Variants in CDH11 observed in about 807,000 individuals in gnomAD.
CDH11 encodes the protein cadherin-11.
In CDH11, 11 loss-of-function variants were observed where a neutral mutation model predicts 67.8. The ratio of observed to expected loss-of-function variants is 0.16; its 90% CI spans 0.10 to 0.27. CDH11 has a LOEUF of 0.27. Among genes scored for constraint, CDH11 ranks in the 10% least tolerant of loss-of-function variants. The probability of loss-of-function intolerance (pLI) is 1.00; values close to 1 mark genes in which losing one functional copy is unlikely to be tolerated. For missense variants in CDH11, 847 were observed against 1,031.2 expected (o/e 0.82, Z 2.45); for synonymous variants, 419 against 400.0 (o/e 1.05, Z -0.57).
intron 2 of CDH11, among the ~76,000 whole-genome samples, chr16:65,040,230 A>T (rs150413953): frequency 1.3e-5 from 2 of 152,192 alleles, no homozygotes; most frequent in African/African-American, 4.8e-5. Flanking sequence ...ATTATAAAAC[A>T]TGCTTCTATA....
chr16:65,007,701 AT>A (rs1465973345), intron 2 of CDH11, among the ~76,000 whole-genome samples: 3 of 152,038 alleles, frequency 2.0e-5, no homozygotes, highest in African/African-American at 7.2e-5. Context: ...CCTGTGTAAA[AT>A]TTTCTTCAAG....
At chr16:65,041,322 A>G (rs1240473457) in intron 2 of CDH11, among the ~76,000 whole-genome samples, 1 of 152,204 alleles carries the variant, frequency 6.6e-6, no homozygotes, top group Admixed American at 6.5e-5. Context: ...AAAGACCAGC[A>G]CATTTGTCAT....
chr16:65,106,081 G>A (rs1447422462), intron 1 of CDH11, among the ~76,000 whole-genome samples: 1 of 152,174 alleles, frequency 6.6e-6, no homozygotes, highest in Non-Finnish European at 1.5e-5. Context: ...TTTGAACCCA[G>A]GAGCTGTGTT....
intron 12 of CDH11, among the ~76,000 whole-genome samples, chr16:64,949,359 G>C (rs1383399981): frequency 6.6e-6 from 1 of 150,422 alleles, no homozygotes; most frequent in Non-Finnish European, 1.5e-5. Flanking sequence ...CAGCCAACCT[G>C]TATGTCACAT....
chr16:65,048,247 G>A (rs1190852845), intron 2 of CDH11, among the ~76,000 whole-genome samples: 1 of 152,144 alleles, frequency 6.6e-6, no homozygotes, highest in Non-Finnish European at 1.5e-5. Context: ...TAAAACTCAA[G>A]TGGAGAGCAG....
At chr16:65,067,752 G>GAAACTGCAAGATAAAGTAATC in intron 1 of CDH11, among the ~76,000 whole-genome samples, 1 of 148,512 alleles carries the variant, frequency 6.7e-6, no homozygotes, top group African/African-American at 2.5e-5. Flanking sequence ...GGGAGGAAGG[G>GAAACTGCAAGATAAAGTAATC]AGGGAGGAAG....
At chr16:65,005,139 G>A (rs959175387) in intron 2 of CDH11, 98 bp from the exon 3 acceptor site, 14 of 1,121,748 alleles carry the variant, frequency 1.2e-5, no homozygotes, top group African/African-American at 3.2e-5. Context: ...AGTTTATCAC[G>A]TGGGAGCTAC....
chr16:64,983,156 GAA>G (rs1014171790), intron 7 of CDH11: 1 of 140,256 alleles, frequency 7.1e-6, no homozygotes, highest in African/African-American at 2.6e-5. Flanking sequence ...AAAAAAAAAA[GAA>G]TGCATATATA....
intron 2 of CDH11, among the ~76,000 whole-genome samples, chr16:65,025,429 G>A (rs967825864): frequency 3.9e-5 from 6 of 152,056 alleles, no homozygotes; most frequent in East Asian, 1.9e-4. Context: ...CCTCTGCTCC[G>A]CCTCCCGGGT....
intron 2 of CDH11, among the ~76,000 whole-genome samples, chr16:65,016,285 T>C (rs1567530183): frequency 6.6e-6 from 1 of 152,222 alleles, no homozygotes; most frequent in African/African-American, 2.4e-5. Context: ...ATTTCTTTCT[T>C]TTCAGATGTA....
At chr16:64,967,837 A>G (rs1192361686) in intron 11 of CDH11, among the ~76,000 whole-genome samples, 1 of 152,182 alleles carries the variant, frequency 6.6e-6, no homozygotes, top group East Asian at 1.9e-4. Context: ...AGAAATAGGC[A>G]TTAATTTTGT....
chr16:64,984,731 C>A (rs1026684288), intron 7 of CDH11: 2 of 152,032 alleles, frequency 1.3e-5, no homozygotes, highest in Admixed American at 1.3e-4. Flanking sequence ...CATAATGATT[C>A]GTCAATAGGA....
intron 7 of CDH11, chr16:64,983,148 A>ATTTT (rs1415647327): frequency 6.6e-6 from 1 of 151,900 alleles, no homozygotes; most frequent in African/African-American, 2.4e-5. Flanking sequence ...TTTTTTTAAA[A>ATTTT]AAAAAAAGAA....
intron 2 of CDH11, among the ~76,000 whole-genome samples, chr16:65,027,955 CAA>C (rs2073567058): frequency 6.6e-6 from 1 of 152,130 alleles, no homozygotes; most frequent in Non-Finnish European, 1.5e-5. Context: ...AGCTCCACAG[CAA>C]GTCAGCTCAC....
intron 6 of CDH11, 85 bp downstream of exon 6, chr16:64,991,683 C>G: frequency 1.1e-6 from 1 of 930,486 alleles, no homozygotes; most frequent in Non-Finnish European, 1.6e-6. Context: ...CTTTTTGATA[C>G]CTCAGTAAAG....
At chr16:64,960,735 TAA>T (rs2071649947) in intron 11 of CDH11, among the ~76,000 whole-genome samples, 1 of 152,040 alleles carries the variant, frequency 6.6e-6, no homozygotes, top group Non-Finnish European at 1.5e-5. Flanking sequence ...ATGGTAGAGG[TAA>T]AGTGTACAAG....
chr16:64,998,318 T>G (rs1225267704), intron 4 of CDH11, among the ~76,000 whole-genome samples: 1 of 152,240 alleles, frequency 6.6e-6, no homozygotes, highest in Non-Finnish European at 1.5e-5. Flanking sequence ...ATATTACCAG[T>G]GTCATTACCT....
chr16:65,100,680 G>C (rs2074975479), intron 1 of CDH11, among the ~76,000 whole-genome samples: 1 of 150,676 alleles, frequency 6.6e-6, no homozygotes, highest in South Asian at 2.1e-4. Flanking sequence ...GGAGGTTACA[G>C]TGAGCTGAGA....
chr16:65,079,498 T>TGC, intron 1 of CDH11, among the ~76,000 whole-genome samples: 1 of 149,574 alleles, frequency 6.7e-6, no homozygotes, highest in Non-Finnish European at 1.5e-5. Flanking sequence ...CGTGTGTATG[T>TGC]GTGTGTGTGT....
Sources: gnomAD v4.1 joint callset for allele counts (sites outside exome capture counted in the v4.1 genomes callset) on GRCh38, gnomAD v4.1.1 for gene constraint, MANE v1.5 for transcripts, NCBI Gene and HGNC (gene_info 2026-07-23, HGNC 2026-07-21) for gene names.